Variants in NHSL1 observed in about 807,000 individuals in gnomAD.
NHSL1 encodes the protein NHS like 1.
Under a neutral mutation model 95.0 loss-of-function variants are expected in NHSL1, and 48 were observed. The observed-to-expected ratio is 0.51, with a 90% CI of 0.40 to 0.64. NHSL1 has a LOEUF of 0.64. NHSL1 is among the 30% of genes least tolerant of loss of function. The pLI, the probability that NHSL1 is intolerant of heterozygous loss-of-function variation, is 0.00. For missense variants in NHSL1, 1,971 were observed against 2,077.7 expected, an observed-to-expected ratio of 0.95 and a Z score of 1.00; for synonymous variants, 783 against 833.9, an observed-to-expected ratio of 0.94 and a Z score of 1.05.
intron 1 of NHSL1, among the ~76,000 whole-genome samples, chr6:138,520,955 A>T (rs1022871699): frequency 9.2e-5 from 14 of 152,334 alleles, no homozygotes; most frequent in African/African-American, 3.4e-4. Flanking sequence ...GGAGCCACTA[A>T]TGTCAAACCC....
At chr6:138,447,314 C>A in intron 3 of NHSL1, 121 bp from the exon 4 acceptor site, 1 of 759,650 alleles carries the variant, frequency 1.3e-6, no homozygotes, top group East Asian at 2.7e-5. Flanking sequence ...TAATTGATCG[C>A]TTTTAGGAAC....
At chr6:138,490,125 T>C (rs1352750123) in intron 2 of NHSL1, among the ~76,000 whole-genome samples, 1 of 152,192 alleles carries the variant, frequency 6.6e-6, no homozygotes. Flanking sequence ...ACATGTTTTA[T>C]GTACCTCTCT....
At chr6:138,437,332 A>ATG (rs1776192733) in intron 5 of NHSL1, among the ~76,000 whole-genome samples, 1 of 75,436 alleles carries the variant, frequency 1.3e-5, no homozygotes, top group African/African-American at 6.1e-5. Context: ...ACACACACAT[A>ATG]TATATATATA....
At position 138,424,902 on chromosome 6, in the gene NHSL1, TCAGGTCAC is replaced by T; in HGVS notation, c.4086-94_4086-87del. ...CAACCACTCTGCTCTTATCGCATCT[TCAGGTCAC>T]CATCTACTTAAGATTCACTTTCAAA... is the stretch of plus-strand genomic sequence containing the variant. On this transcript the variant is annotated intron_variant, in intron 7 of 7. Transcript: ENST00000343505. The surrounding 1 kb of genome is among the most constrained non-coding windows in gnomAD (Gnocchi z 5.9). 1.9e-6 allele frequency: 2 copies of T among 1,080,734 alleles called. No individual in the cohort carries two copies. Among genetic ancestry groups the T allele is most frequent in the Non-Finnish European group, 2.6e-6 (2 of 762,882 alleles). 66.9% of individuals were successfully genotyped at this position (1,080,734 alleles called of 1,614,324 possible). A position where few individuals can be genotyped will look rare whatever the true frequency, so the allele number is the denominator to read the frequency against.
chr6:138,485,595 G>A (rs1779678630), intron 2 of NHSL1, among the ~76,000 whole-genome samples: 1 of 152,108 alleles, frequency 6.6e-6, no homozygotes, highest in African/African-American at 2.4e-5. Context: ...ACTTCTTTTG[G>A]AGTTACTGTA....
chr6:138,664,505 G>C (rs1246625029), intron 1 of NHSL1, among the ~76,000 whole-genome samples: 1 of 152,208 alleles, frequency 6.6e-6, no homozygotes, highest in Non-Finnish European at 1.5e-5. Flanking sequence ...TGGAAAGAGA[G>C]GAATTGTCTG....
rs936638547 is a variant in NHSL1, at chr6:138,439,756, G to A, written c.664+2227C>T. 1.6e-4 allele frequency among the ~76,000 whole-genome samples: 24 copies of A among 151,632 alleles called. 1 individual carries two copies. The highest frequency in any genetic ancestry group is 5.6e-4 in the African/African-American group (23 of 40,984). On this transcript the variant is annotated intron_variant, in intron 5 of 7. Transcript: ENST00000343505. ...CGACCGTAATGATATTGACTGTCTC[G>A]TGTCTGGCAACAGTCACAACCCAGA...
chr6:138,534,409 G>C (rs1413078281), intron 1 of NHSL1, among the ~76,000 whole-genome samples: 1 of 152,056 alleles, frequency 6.6e-6, no homozygotes, highest in African/African-American at 2.4e-5. Context: ...TCAGTGAGTT[G>C]GGTTGGATCC....
chr6:138,589,223 G>A (rs1462478715), intron 1 of NHSL1, among the ~76,000 whole-genome samples: 2 of 152,154 alleles, frequency 1.3e-5, no homozygotes, highest in South Asian at 4.1e-4. Flanking sequence ...TATCCTGTGC[G>A]TTCATGGGAC....
upstream of NHSL1, among the ~76,000 whole-genome samples, chr6:138,546,885 G>C (rs1782820613): frequency 6.6e-6 from 1 of 152,208 alleles, no homozygotes; most frequent in Non-Finnish European, 1.5e-5. Context: ...TCTTATGACA[G>C]ACCTGATGAG....
chr6:138,431,622 C>A lies in NHSL1; in HGVS notation c.2723G>T (p.Ser908Ile). ...AGTGCCACTTCCTTCAGTAGAAGTA[C>A]TAGAAGAAAGAGAAGTGGACGATGA... ...ISSSSTSLSS[S>I]TSTEGSGTMK... Residue 908 changes from serine (S) to isoleucine (I), a missense_variant, in exon 6 of 8, where the codon AGT becomes ATT. Coordinates refer to ENST00000343505, the MANE Select transcript of NHSL1 (RefSeq NM_001144060.2). The surrounding 1 kb of genome is among the most constrained non-coding windows in gnomAD (Gnocchi z 4.0). 1 of 1,551,380 alleles carries A rather than the reference C, an allele frequency of 6.4e-7. No homozygotes were observed. The highest frequency in any genetic ancestry group is 1.4e-5 in the African/African-American group (1 of 73,090).
intron 2 of NHSL1, among the ~76,000 whole-genome samples, chr6:138,478,862 T>C (rs1016271125): frequency 6.6e-6 from 1 of 152,172 alleles, no homozygotes; most frequent in African/African-American, 2.4e-5. Context: ...TGTCAATCCA[T>C]TTTCCATAGC....
chr6:138,633,715 G>A (rs773327578), intron 1 of NHSL1, among the ~76,000 whole-genome samples: 1 of 152,188 alleles, frequency 6.6e-6, no homozygotes, highest in South Asian at 2.1e-4. Context: ...GGAAGTTAAT[G>A]AGCAATAAGA....
chr6:138,455,536 ACATGCTCCCTGCAAGGAGCCCCG>A (rs1777550790), intron 3 of NHSL1, among the ~76,000 whole-genome samples: 5 of 30,238 alleles, frequency 1.7e-4, no homozygotes, highest in African/African-American at 3.1e-4. Context: ...CCCCGCCTTC[ACATGCTCCCTGCAAGGAGCCCCG>A]CCTTCGCATG....
chr6:138,576,789 A>C (rs2114473600), upstream of NHSL1, among the ~76,000 whole-genome samples: 1 of 152,294 alleles, frequency 6.6e-6, no homozygotes, highest in South Asian at 2.1e-4. Flanking sequence ...AATGACCCCC[A>C]GGTGGATCTT....
intron 1 of NHSL1, among the ~76,000 whole-genome samples, chr6:138,673,637 A>C (rs559004248): frequency 6.6e-6 from 1 of 152,330 alleles, no homozygotes; most frequent in South Asian, 2.1e-4. Flanking sequence ...TGAAAGAAAA[A>C]TGTGACCTCT....
At position 138,431,831 on chromosome 6, in the gene NHSL1, T is replaced by C; in HGVS notation, c.2514A>G (p.Ser838=). 1 of 1,551,664 alleles carries C rather than the reference T, an allele frequency of 6.4e-7. No homozygotes were observed. The highest frequency in any genetic ancestry group is 8.7e-7 in the Non-Finnish European group (1 of 1,146,972). Reference sequence around the variant, plus strand: ...AAATGACTCTGTGTGACTTCTCTGGTGACATGATCTTTGGTTTGACTGAAC... The same window carrying C: ...AAATGACTCTGTGTGACTTCTCTGGCGACATGATCTTTGGTTTGACTGAAC... ...PGGSVKPKIM[S]PEKSHRVISP... is the part of the protein sequence containing the mutation. The change falls in exon 6 of 8, where the codon TCA becomes TCG. Residue 838 remains serine (S), a synonymous_variant. Transcript: ENST00000343505. The surrounding 1 kb of genome is among the most constrained non-coding windows in gnomAD (Gnocchi z 4.0).
chr6:138,616,745 A>C (rs1784584574), intron 1 of NHSL1, among the ~76,000 whole-genome samples: 1 of 152,176 alleles, frequency 6.6e-6, no homozygotes, highest in Non-Finnish European at 1.5e-5. Context: ...AGAATTTTTG[A>C]AACAAGTCTA....
intron 3 of NHSL1, among the ~76,000 whole-genome samples, chr6:138,461,438 A>C (rs929830974): frequency 6.6e-6 from 1 of 152,230 alleles, no homozygotes; most frequent in East Asian, 1.9e-4. Flanking sequence ...CAAATGATTG[A>C]GAGGCAATGG....
Sources: gnomAD v4.1 joint callset for allele counts (sites outside exome capture counted in the v4.1 genomes callset) on GRCh38, gnomAD v4.1.1 for gene constraint, Gnocchi (gnomAD v3.1) non-coding constraint, MANE v1.5 for transcripts, NCBI Gene and HGNC (gene_info 2026-07-23, HGNC 2026-07-21) for gene names.